CACNA1D: variants seen among roughly 807,000 people sequenced by gnomAD.
CACNA1D encodes the protein calcium voltage-gated channel subunit alpha1 D, also known as voltage-dependent L-type calcium channel subunit alpha-1D.
CACNA1D carries 55 observed loss-of-function variants against 257.1 expected under a neutral mutation model. The ratio of observed to expected loss-of-function variants is 0.21; its 90% CI spans 0.17 to 0.27. The LOEUF is 0.27. CACNA1D is among the 10% of genes least tolerant of loss of function. The pLI, the probability that CACNA1D is intolerant of heterozygous loss-of-function variation, is 1.00. For synonymous variants in CACNA1D, 980 were observed against 1,014.9 expected (o/e 0.97, Z 0.65); for missense variants, 1,876 against 2,784.0 (o/e 0.67, Z 7.34).
intron 3 of CACNA1D, among the ~76,000 whole-genome samples, chr3:53,585,850 G>C (rs1559878344): frequency 1.3e-5 from 2 of 152,248 alleles, no homozygotes; most frequent in East Asian, 1.9e-4. Context: ...TGTTATCCTT[G>C]GTCCACAGGG....
intron 40 of CACNA1D, among the ~76,000 whole-genome samples, chr3:53,794,915 A>G (rs1158400118): frequency 6.6e-6 from 1 of 152,204 alleles, no homozygotes; most frequent in Non-Finnish European, 1.5e-5. Flanking sequence ...GGGGAATGCT[A>G]CTAGGTCCCC....
At chr3:53,807,504 A>G (rs578115000) in intron 45 of CACNA1D, 5 of 152,476 alleles carry the variant, frequency 3.3e-5, no homozygotes, top group South Asian at 2.1e-4. Flanking sequence ...GGGCTTTCCA[A>G]TAGCGGAATG....
intron 3 of CACNA1D, among the ~76,000 whole-genome samples, chr3:53,606,814 A>T (rs755633799): frequency 6.6e-6 from 1 of 152,232 alleles, no homozygotes; most frequent in East Asian, 1.9e-4. Flanking sequence ...TGCCCTATCT[A>T]GTCAGTCCTC....
intron 3 of CACNA1D, among the ~76,000 whole-genome samples, chr3:53,642,037 C>G (rs2093958733): frequency 6.6e-6 from 1 of 152,188 alleles, no homozygotes; most frequent in Admixed American, 6.5e-5. Flanking sequence ...CCCAAACTAG[C>G]TTAATTTGGT....
At chr3:53,741,175 A>G (rs1017511876) in intron 21 of CACNA1D, among the ~76,000 whole-genome samples, 2 of 152,160 alleles carry the variant, frequency 1.3e-5, no homozygotes, top group Non-Finnish European at 1.5e-5. Flanking sequence ...AGCTCCAAGA[A>G]CCTATCCAAA....
At chr3:53,585,636 G>A (rs1420781194) in intron 3 of CACNA1D, among the ~76,000 whole-genome samples, 1 of 151,856 alleles carries the variant, frequency 6.6e-6, no homozygotes, top group Non-Finnish European at 1.5e-5. Context: ...CTTGTCTGGG[G>A]CGGCCCTGTT....
At chr3:53,720,830 G>T (rs979264164) in intron 11 of CACNA1D, among the ~76,000 whole-genome samples, 1 of 152,206 alleles carries the variant, frequency 6.6e-6, no homozygotes, top group African/African-American at 2.4e-5. Flanking sequence ...TAAAAAAATA[G>T]TTTGGTAGTT....
intron 25 of CACNA1D, among the ~76,000 whole-genome samples, chr3:53,746,616 A>C (rs1203366194): frequency 1.3e-5 from 2 of 152,196 alleles, no homozygotes; most frequent in African/African-American, 4.8e-5. Context: ...AGAGAGCACC[A>C]ATTGCAATTT....
At chr3:53,647,135 TG>T (rs2094030548) in intron 3 of CACNA1D, among the ~76,000 whole-genome samples, 1 of 147,590 alleles carries the variant, frequency 6.8e-6, no homozygotes, top group African/African-American at 2.5e-5. Flanking sequence ...GGGGAGGGAG[TG>T]GGGGGACATC....
chr3:53,549,450 TGAAG>T (rs1246918128), intron 3 of CACNA1D, among the ~76,000 whole-genome samples: 135 of 152,322 alleles, frequency 8.9e-4, no homozygotes, highest in Non-Finnish European at 1.7e-3. Context: ...GTTGACTTGC[TGAAG>T]GGCCTTGAAC....
At chr3:53,719,918 T>C in intron 11 of CACNA1D, 137 bp downstream of exon 11, 1 of 856,454 alleles carries the variant, frequency 1.2e-6, no homozygotes, top group East Asian at 2.4e-5. Context: ...TTGCAGTCAG[T>C]CAATTGAATC....
intron 3 of CACNA1D, among the ~76,000 whole-genome samples, chr3:53,599,633 A>G (rs1157816029): frequency 6.6e-6 from 1 of 152,242 alleles, no homozygotes; most frequent in East Asian, 1.9e-4. Flanking sequence ...TAAAATGGGC[A>G]TAATATCCTT....
intron 35 of CACNA1D, 22 bp downstream of exon 35, chr3:53,776,067 C>A (rs1187676756): frequency 1.9e-6 from 3 of 1,608,096 alleles, no homozygotes; most frequent in Non-Finnish European, 2.6e-6. Context: ...ACACAGCTCC[C>A]CCTCTCAATT....
chr3:53,714,177 A>G (rs979723313), intron 9 of CACNA1D, among the ~76,000 whole-genome samples: 6 of 152,202 alleles, frequency 3.9e-5, no homozygotes, highest in Non-Finnish European at 8.8e-5. Flanking sequence ...GTCAGGGAAG[A>G]GGCTTCACAG....
At position 53,729,368 on chromosome 3, in the gene CACNA1D, C is replaced by T. The variant is rs532420015; in HGVS notation, c.2222-1074C>T. 2.0e-5 allele frequency among the ~76,000 whole-genome samples: 3 copies of T among 152,266 alleles called. No homozygotes were observed. In the East Asian group the frequency reaches 5.8e-4, roughly 29 times the overall value. On this transcript the variant is annotated intron_variant, in intron 15 of 47. Transcript: ENST00000350061. ...TTGGTTTACGTGTTCAGCAACCCAT[C>T]CAAGACAACAAATTGCACAGGGCGT...
intron 3 of CACNA1D, among the ~76,000 whole-genome samples, chr3:53,567,502 T>C (rs1421348379): frequency 6.6e-6 from 1 of 152,180 alleles, no homozygotes; most frequent in South Asian, 2.1e-4. Flanking sequence ...CCTTGTGACC[T>C]TAAAGAATTC....
intron 3 of CACNA1D, among the ~76,000 whole-genome samples, chr3:53,546,502 T>C (rs1172532183): frequency 6.6e-6 from 1 of 152,222 alleles, no homozygotes; most frequent in Non-Finnish European, 1.5e-5. Flanking sequence ...AGGGTTCTGG[T>C]GACCAACTGG....
intron 19 of CACNA1D, among the ~76,000 whole-genome samples, chr3:53,733,662 G>C (rs2029331): frequency 0.27 from 41,294 of 151,920 alleles, 6,254 homozygotes; most frequent in African/African-American, 0.39. Flanking sequence ...AATCATCTGG[G>C]ACTGAGTGGA....
chr3:53,553,996 A>T (rs925228968), intron 3 of CACNA1D, among the ~76,000 whole-genome samples: 1 of 151,872 alleles, frequency 6.6e-6, no homozygotes, highest in Non-Finnish European at 1.5e-5. Flanking sequence ...GGAGATGGAG[A>T]CCATCCTGGC....
Sources: allele counts gnomAD v4.1 joint callset (sites outside exome capture counted in the v4.1 genomes callset), GRCh38; gene constraint gnomAD v4.1.1; transcripts MANE v1.5; gene names NCBI Gene and HGNC (gene_info 2026-07-23, HGNC 2026-07-21).